ZFPM2: variants seen among roughly 807,000 people sequenced by gnomAD.
ZFPM2 encodes the protein zinc finger protein, FOG family member 2.
ZFPM2 carries 20 observed loss-of-function variants against 98.6 expected under a neutral mutation model. The observed-to-expected ratio is 0.20, with a 90% CI of 0.14 to 0.29. The LOEUF (loss-of-function observed/expected upper bound fraction) is 0.29, where lower values mean the gene tolerates loss of function less well. Among genes scored for constraint, ZFPM2 ranks in the 10% least tolerant of loss-of-function variants. The probability of loss-of-function intolerance (pLI) is 1.00; values close to 1 mark genes in which losing one functional copy is unlikely to be tolerated. For missense variants in ZFPM2, 1,310 were observed against 1,388.6 expected (o/e 0.94, Z 0.90); for synonymous variants, 518 against 502.7 (o/e 1.03, Z -0.41).
At position 105,370,182 on chromosome 8, in the gene ZFPM2, A is replaced by G. The variant is rs187869146; in HGVS notation, c.41-48962A>G. ...TCCAGTGCAAAACTGGCATAGCATC[A>G]TTGGGTGAGGGGGTAAGAAATAGAA... On this transcript the variant is annotated intron_variant, in intron 1 of 7. Coordinates refer to ENST00000407775, the MANE Select transcript of ZFPM2 (RefSeq NM_012082.4). 1.4e-3 allele frequency among the ~76,000 whole-genome samples: 214 copies of G among 152,240 alleles called. 1 individual carries two copies. The highest frequency in any genetic ancestry group is 4.9e-3 in the African/African-American group (205 of 41,568).
chr8:105,742,764 T>C (rs1250298204), intron 5 of ZFPM2, among the ~76,000 whole-genome samples: 1 of 151,936 alleles, frequency 6.6e-6, no homozygotes, highest in East Asian at 2.0e-4. Flanking sequence ...TGGTGGCAGG[T>C]TGCCTGTGAT....
intron 5 of ZFPM2, among the ~76,000 whole-genome samples, chr8:105,720,693 A>G (rs1274259720): frequency 3.3e-5 from 5 of 151,926 alleles, no homozygotes; most frequent in African/African-American, 1.2e-4. Context: ...TCAAATAAGC[A>G]TGTAAATTCA....
At chr8:105,412,338 CTT>C (rs1399916754) in intron 1 of ZFPM2, among the ~76,000 whole-genome samples, 1 of 151,658 alleles carries the variant, frequency 6.6e-6, no homozygotes, top group Non-Finnish European at 1.5e-5. Context: ...TTTTAATAAA[CTT>C]AACGAAATTC....
intron 5 of ZFPM2, chr8:105,678,555 C>T (rs548533604): frequency 1.3e-5 from 2 of 152,164 alleles, no homozygotes; most frequent in Admixed American, 6.6e-5. Context: ...GGAAATCAGA[C>T]ATCTCTAGGT....
chr8:105,724,904 A>G (rs1224459954), intron 5 of ZFPM2, among the ~76,000 whole-genome samples: 1 of 151,692 alleles, frequency 6.6e-6, no homozygotes, highest in Non-Finnish European at 1.5e-5. Context: ...AATTGTCACA[A>G]ATCTCCAAAA....
At chr8:105,618,229 A>G (rs979015588) in intron 4 of ZFPM2, among the ~76,000 whole-genome samples, 2 of 152,174 alleles carry the variant, frequency 1.3e-5, no homozygotes, top group African/African-American at 4.8e-5. Context: ...ACAATTCCTA[A>G]GGAGAGTCTC....
rs71305140 is a variant in ZFPM2, at chr8:105,318,866, G to GGCGGCGGGA, written c.-73_-65dup. 0.77 allele frequency: 628,401 copies of GGCGGCGGGA among 816,500 alleles called. 239,024 individuals are homozygous for GGCGGCGGGA. The highest frequency in any genetic ancestry group is 0.91 in the East Asian group (7,663 of 8,390). The allele number at this position is 816,500 out of a possible 1,614,324, so 50.6% of individuals were successfully genotyped here. On this transcript the variant is annotated 5_prime_UTR_variant, in exon 1 of 8. Coordinates refer to ENST00000407775, the MANE Select transcript of ZFPM2 (RefSeq NM_012082.4). ...GGCCAGCGGCGGCGGCGGCGGCGGC[G>GGCGGCGGGA]GCGGCGGGAGCCGAGGGAGCGGCAG...
rs539465962 is a variant in ZFPM2, at chr8:105,613,477, C to A, written c.421-20769C>A. Among the ~76,000 whole-genome samples the A allele has an allele frequency of 3.9e-5, 6 of 152,040 alleles. No homozygotes were observed. The East Asian group carries it at 1.2e-3, about 29-fold the overall frequency. ...AATAACAAATGTGGTAAAAAAAATA[C>A]AGGAACAATTTTGCAAAGGAAGAAT... On this transcript the variant is annotated intron_variant, in intron 4 of 7. Transcript: ENST00000407775.
intron 5 of ZFPM2, among the ~76,000 whole-genome samples, chr8:105,777,744 C>A (rs1813136726): frequency 6.6e-6 from 1 of 152,068 alleles, no homozygotes; most frequent in African/African-American, 2.4e-5. Flanking sequence ...TATGAGTTGG[C>A]ATGTTGCTGC....
chr8:105,395,086 A>G (rs1229362225), intron 1 of ZFPM2, among the ~76,000 whole-genome samples: 1 of 152,168 alleles, frequency 6.6e-6, no homozygotes, highest in Non-Finnish European at 1.5e-5. Context: ...CCAGGCTATT[A>G]CAGCCCCTAC....
chr8:105,520,174 C>T (rs1814019809), intron 3 of ZFPM2, among the ~76,000 whole-genome samples: 1 of 152,066 alleles, frequency 6.6e-6, no homozygotes, highest in African/African-American at 2.4e-5. Context: ...TACAGGGCAA[C>T]AGAACATTGT....
chr8:105,606,987 C>T (rs1263847353), intron 4 of ZFPM2, among the ~76,000 whole-genome samples: 1 of 152,078 alleles, frequency 6.6e-6, no homozygotes, highest in African/African-American at 2.4e-5. Flanking sequence ...CTATGCTGTC[C>T]TTGGATTCAA....
intron 3 of ZFPM2, among the ~76,000 whole-genome samples, chr8:105,463,161 T>C (rs1286253352): frequency 1.3e-5 from 2 of 152,030 alleles, no homozygotes; most frequent in African/African-American, 4.8e-5. Flanking sequence ...ACTGAAAATA[T>C]AATTTTAAGC....
At chr8:105,369,000 A>G (rs1306992163) in intron 1 of ZFPM2, among the ~76,000 whole-genome samples, 2 of 152,172 alleles carry the variant, frequency 1.3e-5, no homozygotes, top group Non-Finnish European at 2.9e-5. Context: ...TAACTTTGTA[A>G]TGAAGGAGCT....
chr8:105,803,820 T>C lies in ZFPM2; in HGVS notation c.*282T>C, dbSNP rs1185954611. 2 of 367,710 alleles carry C rather than the reference T, an allele frequency of 5.4e-6. No individual in the cohort carries two copies. Among genetic ancestry groups the C allele is most frequent in the African/African-American group, 4.2e-5 (2 of 48,164 alleles). 22.8% of individuals were successfully genotyped at this position (367,710 alleles called of 1,614,324 possible). A position where few individuals can be genotyped will look rare whatever the true frequency, so the allele number is the denominator to read the frequency against. On this transcript the variant is annotated 3_prime_UTR_variant, in exon 8 of 8. Transcript: ENST00000407775. ...ATATTAAAGTCATTTGTAATGTTAT[T>C]GTATAGTTATTGTGTAGCACATATG...
intron 4 of ZFPM2, among the ~76,000 whole-genome samples, chr8:105,614,352 A>T (rs1431576210): frequency 6.6e-6 from 1 of 152,090 alleles, no homozygotes; most frequent in Non-Finnish European, 1.5e-5. Context: ...ATCAATACTG[A>T]TTCATCAGTT....
At chr8:105,440,889 C>T (rs1414544709) in intron 2 of ZFPM2, among the ~76,000 whole-genome samples, 2 of 152,100 alleles carry the variant, frequency 1.3e-5, no homozygotes, top group Non-Finnish European at 2.9e-5. Context: ...CGGTGGCTCA[C>T]GCCTGTAATC....
At chr8:105,500,028 G>A (rs1027943847) in intron 3 of ZFPM2, among the ~76,000 whole-genome samples, 1 of 152,116 alleles carries the variant, frequency 6.6e-6, no homozygotes, top group African/African-American at 2.4e-5. Flanking sequence ...ACAGTTACTT[G>A]TCTCCGTTAT....
intron 5 of ZFPM2, among the ~76,000 whole-genome samples, chr8:105,718,848 C>A (rs1811588428): frequency 6.6e-6 from 1 of 151,642 alleles, no homozygotes; most frequent in Non-Finnish European, 1.5e-5. Context: ...TTGAGTAGAC[C>A]CTCTTTCACA....
Sources: allele counts gnomAD v4.1 joint callset (sites outside exome capture counted in the v4.1 genomes callset), GRCh38; gene constraint gnomAD v4.1.1; transcripts MANE v1.5; gene names NCBI Gene and HGNC (gene_info 2026-07-23, HGNC 2026-07-21).